The following AFF1 variants were observed in gnomAD, a reference collection of about 807,000 sequenced individuals.
AFF1 encodes AF4/FMR2 family member 1.
AFF1 carries 48 observed loss-of-function variants against 121.7 expected under a neutral mutation model. The observed-to-expected ratio is 0.39, with a 90% CI of 0.31 to 0.50. AFF1 has a LOEUF of 0.50. Ranked by LOEUF, AFF1 falls within the 20% of genes least tolerant of loss-of-function variation. AFF1 has a pLI of 0.76. For synonymous variants in AFF1, 613 were observed against 563.0 expected, an observed-to-expected ratio of 1.09 and a Z score of -1.26; for missense variants, 1,523 against 1,511.7, an observed-to-expected ratio of 1.01 and a Z score of -0.12.
In AFF1 at chr4:87,114,849, C is replaced by A. The variant is rs139765195; in HGVS notation, c.2016C>A (p.Pro672=). The change falls in exon 12 of 21, where the codon CCC becomes CCA. Residue 672 remains proline (P), a synonymous_variant. Coordinates refer to ENST00000395146, the MANE Select transcript of AFF1 (RefSeq NM_001166693.3). ...ASNEPKPAVP[P]SSEKKKHKSS... is the part of the protein sequence containing the mutation. Reference sequence around the variant, plus strand: ...ACGAACCCAAGCCAGCAGTGCCCCCCTCCAGTGAGAAGAAGAAGCACAAGA... The same window carrying A: ...ACGAACCCAAGCCAGCAGTGCCCCCATCCAGTGAGAAGAAGAAGCACAAGA... 3 of 1,613,984 alleles carry A rather than the reference C, an allele frequency of 1.9e-6. No homozygotes were observed. Among genetic ancestry groups the A allele is most frequent in the East Asian group, 4.5e-5 (2 of 44,842 alleles).
chr4:87,019,117 C>T (rs1433427698), intron 2 of AFF1, among the ~76,000 whole-genome samples: 1 of 152,190 alleles, frequency 6.6e-6, no homozygotes, highest in African/African-American at 2.4e-5. Context: ...TAGCAAAGCC[C>T]ATGAAGGAAA....
At chr4:86,941,733 A>T (rs1309426298) in intron 1 of AFF1, among the ~76,000 whole-genome samples, 1 of 152,144 alleles carries the variant, frequency 6.6e-6, no homozygotes, top group Non-Finnish European at 1.5e-5. Flanking sequence ...GCTACCCAGG[A>T]GACTGAGGTG....
At chr4:87,131,900 T>G in intron 18 of AFF1, 36 bp downstream of exon 18, 1 of 1,477,092 alleles carries the variant, frequency 6.8e-7, no homozygotes, top group African/African-American at 1.4e-5. Context: ...GTACTAAATT[T>G]GTTTTTGCAT....
intron 2 of AFF1, among the ~76,000 whole-genome samples, chr4:87,041,437 C>A (rs904050050): frequency 9.2e-5 from 14 of 152,126 alleles, no homozygotes; most frequent in African/African-American, 3.4e-4. Flanking sequence ...ACATACAAGC[C>A]TTGGGGCCCA....
At position 87,083,699 on chromosome 4, in the gene AFF1, C is replaced by T. The variant is rs142595607; in HGVS notation, c.1060-421C>T. Among the ~76,000 whole-genome samples the T allele has an allele frequency of 7.9e-3, 1,200 of 152,278 alleles. 18 individuals carry two copies. The highest frequency in any genetic ancestry group is 0.027 in the Admixed American group (414 of 15,296). On this transcript the variant is annotated intron_variant, in intron 4 of 20. Transcript: ENST00000395146. Reference sequence around the variant, plus strand: ...TTTAACCTGAGGGTCAACAGTTAGTCTGCCATTGTCTCCATCATTACTGTG... The same window carrying T: ...TTTAACCTGAGGGTCAACAGTTAGTTTGCCATTGTCTCCATCATTACTGTG...
intron 4 of AFF1, among the ~76,000 whole-genome samples, chr4:87,060,681 A>T (rs1167472308): frequency 1.3e-5 from 2 of 152,118 alleles, no homozygotes; most frequent in East Asian, 1.9e-4. Context: ...TCTACTAAAA[A>T]TACAAAAATT....
chr4:87,018,171 TTGAG>T (rs1727545344), intron 2 of AFF1, among the ~76,000 whole-genome samples: 1 of 152,226 alleles, frequency 6.6e-6, no homozygotes, highest in Admixed American at 6.5e-5. Flanking sequence ...TGTAAATGTA[TTGAG>T]TACTTCATTG....
chr4:86,953,684 A>C (rs1029763560), intron 2 of AFF1, among the ~76,000 whole-genome samples: 1 of 152,084 alleles, frequency 6.6e-6, no homozygotes, highest in Non-Finnish European at 1.5e-5. Context: ...TGAAAAAGGC[A>C]GACATTATTA....
intron 2 of AFF1, among the ~76,000 whole-genome samples, chr4:86,987,254 CTTATTA>C (rs10542282): frequency 0.042 from 6,320 of 152,206 alleles, 422 homozygotes; most frequent in African/African-American, 0.14. Flanking sequence ...TTCTCAGAAT[CTTATTA>C]TTATAATGTA....
chr4:86,959,927 A>T (rs762020851), intron 2 of AFF1, among the ~76,000 whole-genome samples: 2 of 152,170 alleles, frequency 1.3e-5, no homozygotes, highest in Admixed American at 6.5e-5. Context: ...TTTTTCTGAC[A>T]GTTGGTTCTA....
chr4:86,963,166 C>CAA (rs11341612), intron 2 of AFF1, among the ~76,000 whole-genome samples: 958 of 63,256 alleles, frequency 0.015, 51 homozygotes, highest in African/African-American at 0.057. Context: ...ACTCCCATCT[C>CAA]AAAAAAAAAA....
chr4:87,025,075 G>C (rs2149570320), intron 2 of AFF1, among the ~76,000 whole-genome samples: 1 of 152,220 alleles, frequency 6.6e-6, no homozygotes, highest in East Asian at 1.9e-4. Context: ...TGCTCCATAG[G>C]CTGCCAGCTC....
intron 2 of AFF1, among the ~76,000 whole-genome samples, chr4:87,025,237 A>T (rs976761119): frequency 6.6e-6 from 1 of 152,246 alleles, no homozygotes; most frequent in Non-Finnish European, 1.5e-5. Flanking sequence ...ATATTCATTA[A>T]TAATGACTCA....
intron 4 of AFF1, among the ~76,000 whole-genome samples, chr4:87,056,245 C>T (rs564972820): frequency 9.2e-5 from 14 of 152,168 alleles, no homozygotes; most frequent in African/African-American, 3.4e-4. Context: ...AGATAAATCA[C>T]CTTAGGTTTT....
chr4:87,020,479 TTTTTGTTTTG>T (rs577020520), intron 2 of AFF1, among the ~76,000 whole-genome samples: 87 of 152,218 alleles, frequency 5.7e-4, no homozygotes, highest in African/African-American at 2.0e-3. Context: ...TGATGCCATG[TTTTTGTTTTG>T]TTTTGTTTTG....
intron 2 of AFF1, among the ~76,000 whole-genome samples, chr4:87,019,781 G>T (rs1727699308): frequency 6.6e-6 from 1 of 151,306 alleles, no homozygotes; most frequent in Non-Finnish European, 1.5e-5. Flanking sequence ...CTTGAGTTCT[G>T]TGAGCCACTC....
At position 87,127,025 on chromosome 4, in the gene AFF1, G is replaced by T; in HGVS notation, c.2812-1G>T. 6.2e-7 allele frequency: 1 copy of T among 1,607,650 alleles called. No homozygotes were observed. The highest frequency in any genetic ancestry group is 1.7e-5 in the Admixed American group (1 of 58,744). Reference sequence around the variant, plus strand: ...TCTGTATATTGATTTTTTTTTTGAAGGGTTCTTCCGGAGATACTGCAAATC... The same window carrying T: ...TCTGTATATTGATTTTTTTTTTGAATGGTTCTTCCGGAGATACTGCAAATC... On this transcript the variant is annotated splice_acceptor_variant, in intron 14 of 20. Coordinates refer to ENST00000395146, the MANE Select transcript of AFF1 (RefSeq NM_001166693.3). LOFTEE classifies it high-confidence loss of function.
intron 2 of AFF1, among the ~76,000 whole-genome samples, chr4:87,043,067 C>T (rs2149606020): frequency 6.6e-6 from 1 of 152,326 alleles, no homozygotes; most frequent in South Asian, 2.1e-4. Flanking sequence ...CACACCCTCC[C>T]TTTTGGATCC....
At chr4:87,035,888 G>C (rs1242056017) in intron 2 of AFF1, among the ~76,000 whole-genome samples, 5 of 152,198 alleles carry the variant, frequency 3.3e-5, no homozygotes, top group African/African-American at 9.7e-5. Flanking sequence ...GTAACTGTAG[G>C]ATTTTTAATT....
Sources: gnomAD v4.1 joint callset for allele counts (sites outside exome capture counted in the v4.1 genomes callset) on GRCh38, gnomAD v4.1.1 for gene constraint, MANE v1.5 for transcripts, NCBI Gene and HGNC (gene_info 2026-07-23, HGNC 2026-07-21) for gene names.